Variants in PCDHGA1 observed in about 807,000 individuals in gnomAD.
PCDHGA1 encodes protocadherin gamma-A1.
A neutral mutation model predicts 58.0 loss-of-function variants in PCDHGA1; 32 were observed. The ratio of observed to expected loss-of-function variants is 0.55; its 90% CI spans 0.42 to 0.74. The LOEUF (loss-of-function observed/expected upper bound fraction) is 0.74. Ranked by LOEUF, PCDHGA1 falls within the 30% of genes least tolerant of loss-of-function variation. The pLI is 0.00. For synonymous variants in PCDHGA1, 498 were observed against 501.1 expected (o/e 0.99, Z 0.08); for missense variants, 1,205 against 1,182.3 (o/e 1.02, Z -0.28).
chr5:141,365,523 T>C lies in PCDHGA1; in HGVS notation c.2421+32418T>C, dbSNP rs1445858385. 1 of 1,613,750 alleles carries C rather than the reference T, an allele frequency of 6.2e-7. No homozygotes were observed. The highest frequency in any genetic ancestry group is 1.7e-5 in the Admixed American group (1 of 60,002). ...TTGCCTTTTAAATTGGAGAAGTCAG[T>C]TGATAATTACTATCACCTATTAACA... is the stretch of plus-strand genomic sequence containing the variant. On this transcript the variant is annotated intron_variant, in intron 1 of 3. Coordinates refer to ENST00000517417, the MANE Select transcript of PCDHGA1 (RefSeq NM_018912.3).
intron 1 of PCDHGA1, chr5:141,388,516 C>T (rs755004350): frequency 4.3e-6 from 7 of 1,613,864 alleles, no homozygotes; most frequent in South Asian, 3.3e-5. Context: ...TACCACTTGA[C>T]TTTGACTGCC....
chr5:141,346,631 G>C, intron 1 of PCDHGA1: 1 of 974,094 alleles, frequency 1.0e-6, no homozygotes, highest in Non-Finnish European at 1.5e-6. Context: ...TCCCCGGTCT[G>C]GTTATGGTTG....
rs531773756 is a variant in PCDHGA1 at position 141,417,037 on chromosome 5, TTA to T, written c.2422-77769_2422-77768del. On this transcript the variant is annotated intron_variant, in intron 1 of 3. Coordinates refer to ENST00000517417, the MANE Select transcript of PCDHGA1 (RefSeq NM_018912.3). ...ATTTTGAAAAATACAGGTTTTTTTT[TTA>T]AAAAAAACTGCTCTTGACATTGTAG... 5.9e-5 allele frequency: 9 copies of T among 151,574 alleles called. 1 individual carries two copies. Among genetic ancestry groups the T allele is most frequent in the Admixed American group, 2.0e-4 (3 of 15,204 alleles). The allele number at this position is 151,574 out of a possible 1,614,324, so 9.4% of individuals were successfully genotyped here.
chr5:141,332,554 G>C lies in PCDHGA1; in HGVS notation c.1870G>C (p.Gly624Arg). Residue 624 changes from glycine (G) to arginine (R), a missense_variant, in exon 1 of 4, where the codon GGC becomes CGC. Gly to Arg is a moderately radical substitution (Grantham distance 125). Transcript: ENST00000517417. This position sits in a 1 kb window ranked among gnomAD's most constrained non-coding sequence, Gnocchi z 4.6. The stretch of plus-strand genomic sequence containing the variant: ...ACTCTTCTCGGTGGGTCTGCACACG[G>C]GCGAGGTGCGCACGGCGCGAGCCCT... ...PGLFSVGLHT[G>R]EVRTARALLD... is the part of the protein sequence containing the mutation. The C allele has an allele frequency of 6.2e-7, 1 of 1,610,988 alleles. No homozygotes were observed. Among genetic ancestry groups the C allele is most frequent in the Non-Finnish European group, 8.5e-7 (1 of 1,179,336 alleles).
Position 141,476,562 on chromosome 5 carries a change from C to G in PCDHGA1, c.2422-18245C>G. 1 of 1,614,218 alleles carries G rather than the reference C, an allele frequency of 6.2e-7. No individual in the cohort carries two copies. The highest frequency in any genetic ancestry group is 1.1e-5 in the South Asian group (1 of 91,088). On this transcript the variant is annotated intron_variant, in intron 1 of 3. Transcript: ENST00000517417. This position sits in a 1 kb window ranked among gnomAD's most constrained non-coding sequence, Gnocchi z 7.6. The stretch of plus-strand genomic sequence containing the variant: ...AAATTGGAGATTAGCGAGGCCGTGG[C>G]TCCGGGGACGCGCTTTCCGCTCGAG...
intron 1 of PCDHGA1, chr5:141,414,158 G>A (rs1167529832): frequency 6.2e-7 from 1 of 1,602,572 alleles, no homozygotes; most frequent in Non-Finnish European, 8.5e-7. Flanking sequence ...GCAGAAGATG[G>A]AGGAGCATAT....
chr5:141,426,711 G>C, intron 1 of PCDHGA1: 1 of 444,496 alleles, frequency 2.2e-6, no homozygotes, highest in Non-Finnish European at 4.6e-6. Flanking sequence ...ACAAATCAAT[G>C]AACTAGCAAT....
Position 141,432,436 on chromosome 5 carries a change from G to A in PCDHGA1, c.2422-62371G>A, listed in dbSNP as rs753833603. On this transcript the variant is annotated intron_variant, in intron 1 of 3. Coordinates refer to ENST00000517417, the MANE Select transcript of PCDHGA1 (RefSeq NM_018912.3). The surrounding 1 kb of genome is among the most constrained non-coding windows in gnomAD (Gnocchi z 6.0). ...TCGTGCTGGACCAGAACGACAATGC[G>A]CCCGAGATCCTGTACCCCGCCCTCC... The A allele has an allele frequency of 4.3e-6, 7 of 1,614,196 alleles. No homozygotes were observed. The highest frequency in any genetic ancestry group is 1.1e-5 in the South Asian group (1 of 91,084).
rs765535731 is a variant in PCDHGA1, at chr5:141,427,976, G to T, written c.2422-66831G>T. On this transcript the variant is annotated intron_variant, in intron 1 of 3. Transcript: ENST00000517417. ...ATGTGCCGCGGGTGCTGTACCCCGC[G>T]CTGGGGCCCGATGGCTCCGCACTCT... 1.1e-5 allele frequency: 17 copies of T among 1,594,884 alleles called. No individual in the cohort carries two copies. The East Asian group carries it at 1.6e-4, about 15-fold the overall frequency.
Position 141,361,043 on chromosome 5 carries a change from C to G in PCDHGA1, c.2421+27938C>G. On this transcript the variant is annotated intron_variant, in intron 1 of 3. Coordinates refer to ENST00000517417, the MANE Select transcript of PCDHGA1 (RefSeq NM_018912.3). The stretch of plus-strand genomic sequence containing the variant: ...AATGAAAAAACAGGAGAAATCACGA[C>G]AAAGGATGATTTGGATTTTGAGATT... 2.5e-6 allele frequency: 4 copies of G among 1,613,524 alleles called. No homozygotes were observed. In the South Asian group the frequency reaches 3.3e-5, roughly 13 times the overall value.
At chr5:141,501,147 G>A (rs1166199034) in intron 2 of PCDHGA1, among the ~76,000 whole-genome samples, 1 of 152,142 alleles carries the variant, frequency 6.6e-6, no homozygotes, top group Non-Finnish European at 1.5e-5. Context: ...GATTACAGGT[G>A]GGAGCCACCA....
chr5:141,468,229 G>A (rs1363462610), intron 1 of PCDHGA1, among the ~76,000 whole-genome samples: 4 of 150,884 alleles, frequency 2.7e-5, no homozygotes, highest in Non-Finnish European at 5.9e-5. Flanking sequence ...GGAGGATGAG[G>A]TAGGAGAATT....
At chr5:141,339,664 G>C in intron 1 of PCDHGA1, 1 of 1,614,206 alleles carries the variant, frequency 6.2e-7, no homozygotes, top group South Asian at 1.1e-5. Flanking sequence ...TCTGCGTGAA[G>C]GTCCTGGATG....
At chr5:141,383,028 CT>C (rs1561593940) in intron 1 of PCDHGA1, 2 of 1,613,814 alleles carry the variant, frequency 1.2e-6, no homozygotes, top group Non-Finnish European at 1.7e-6. Context: ...ACAAAGGGTC[CT>C]TTGTGGGAGA....
intron 2 of PCDHGA1, among the ~76,000 whole-genome samples, chr5:141,503,608 AAAAAAAG>A (rs1483073868): frequency 3.3e-5 from 5 of 151,876 alleles, no homozygotes; most frequent in South Asian, 2.1e-4. Context: ...CAAAAAAAAA[AAAAAAAG>A]AAAAAAGAAA....
chr5:141,404,315 G>A lies in PCDHGA1; in HGVS notation c.2421+71210G>A, dbSNP rs775576610. The A allele has an allele frequency of 9.7e-5, 157 of 1,613,768 alleles. No individual in the cohort carries two copies. Among genetic ancestry groups the A allele is most frequent in the South Asian group, 4.1e-4 (37 of 91,078 alleles). On this transcript the variant is annotated intron_variant, in intron 1 of 3. Transcript: ENST00000517417. Reference sequence around the variant, plus strand: ...TGATAATCCACCTGCTTTCTCTCAAGCCTCCTACTCAGTCTACCTCCCGGA... The same window carrying A: ...TGATAATCCACCTGCTTTCTCTCAAACCTCCTACTCAGTCTACCTCCCGGA...
At chr5:141,375,523 C>T (rs571977774) in intron 1 of PCDHGA1, 2 of 1,614,032 alleles carry the variant, frequency 1.2e-6, no homozygotes, top group Non-Finnish European at 1.7e-6. Flanking sequence ...TGGACCCTGA[C>T]GTGGACCAGA....
At chr5:141,337,869 A>G (rs576503416) in intron 1 of PCDHGA1, among the ~76,000 whole-genome samples, 18 of 152,330 alleles carry the variant, frequency 1.2e-4, no homozygotes, top group Non-Finnish European at 2.2e-4. Flanking sequence ...ACCTCAAACA[A>G]TTTTGAGTGA....
chr5:141,413,835 CG>C, intron 1 of PCDHGA1: 2 of 1,613,258 alleles, frequency 1.2e-6, no homozygotes, highest in South Asian at 1.1e-5. Context: ...CCGCCTCCGA[CG>C]GGGGTGACCC....
Sources: gnomAD v4.1 joint callset for allele counts (sites outside exome capture counted in the v4.1 genomes callset) on GRCh38, gnomAD v4.1.1 for gene constraint, Gnocchi (gnomAD v3.1) non-coding constraint, MANE v1.5 for transcripts, NCBI Gene and HGNC (gene_info 2026-07-23, HGNC 2026-07-21) for gene names.